The following HDAC1 variants were observed in gnomAD, a reference collection of about 807,000 sequenced individuals.
HDAC1 encodes the protein protein deacetylase HDAC1.
HDAC1 carries 18 observed loss-of-function variants against 65.5 expected under a neutral mutation model. That is an observed-to-expected ratio of 0.27 (90% CI 0.19 to 0.41). The LOEUF (loss-of-function observed/expected upper bound fraction) is 0.41, where lower values mean the gene tolerates loss of function less well. HDAC1 is among the 10% of genes least tolerant of loss of function. HDAC1 has a pLI of 1.00. For synonymous variants in HDAC1, 211 were observed against 227.9 expected, an observed-to-expected ratio of 0.93 and a Z score of 0.67; for missense variants, 373 against 625.2, an observed-to-expected ratio of 0.60 and a Z score of 4.30.
intron 1 of HDAC1, among the ~76,000 whole-genome samples, chr1:32,293,118 C>G (rs1022007438): frequency 2.0e-5 from 3 of 151,950 alleles, no homozygotes; most frequent in African/African-American, 4.8e-5. Flanking sequence ...GTCAGGAGTT[C>G]GAGACCAGCC....
intron 3 of HDAC1, among the ~76,000 whole-genome samples, chr1:32,320,244 A>C (rs549278795): frequency 4.2e-4 from 64 of 151,628 alleles, no homozygotes; most frequent in African/African-American, 1.5e-3. Context: ...AAAAACCCAC[A>C]CACACACAAA....
In HDAC1 at chr1:32,332,996, C is replaced by T. The variant is rs760163327; in HGVS notation, c.1422-21C>T. The stretch of plus-strand genomic sequence containing the variant: ...GGCTCTGGGCTGGGTCATCTCATGC[C>T]AGTCTCTGCTCTCTCCACAGGGTCA... On this transcript the variant is annotated intron_variant, in intron 13 of 13. Transcript: ENST00000373548. The T allele has an allele frequency of 3.3e-5, 53 of 1,613,148 alleles. 3 individuals carry two copies. The South Asian group carries it at 5.6e-4, about 17-fold the overall frequency.
rs2148073150 is a variant in HDAC1, at chr1:32,331,673, C to T, written c.1089-3C>T. 1 of 1,613,412 alleles carries T rather than the reference C, an allele frequency of 6.2e-7. No homozygotes were observed. Among genetic ancestry groups the T allele is most frequent in the Non-Finnish European group, 8.5e-7 (1 of 1,179,492 alleles). On this transcript the variant is annotated splice_region_variant and splice_polypyrimidine_tract_variant and intron_variant, in intron 10 of 13. Coordinates refer to ENST00000373548, the MANE Select transcript of HDAC1 (RefSeq NM_004964.3). The surrounding 1 kb of genome is among the most constrained non-coding windows in gnomAD (Gnocchi z 4.2). ...CCCTGCTACTCTCTCCCATTGGCCA[C>T]AGACAGCGACTGTTTGAGAACCTTA...
In HDAC1 at chr1:32,333,165, C is replaced by A. The variant is rs1438801086; in HGVS notation, c.*121C>A. ...AAAAATTTATTAAATATAAATATCC[C>A]CAGGGACAGAAACCAAGGCCCCGAG... On this transcript the variant is annotated 3_prime_UTR_variant, in exon 14 of 14. Coordinates refer to ENST00000373548, the MANE Select transcript of HDAC1 (RefSeq NM_004964.3). 4 of 853,706 alleles carry A rather than the reference C, an allele frequency of 4.7e-6. No homozygotes were observed. Among genetic ancestry groups the A allele is most frequent in the Non-Finnish European group, 7.0e-6 (4 of 567,596 alleles). 52.9% of individuals were successfully genotyped at this position (853,706 alleles called of 1,614,324 possible).
intron 1 of HDAC1, among the ~76,000 whole-genome samples, chr1:32,302,229 A>G (rs1372751450): frequency 6.6e-6 from 1 of 152,182 alleles, no homozygotes; most frequent in Non-Finnish European, 1.5e-5. Flanking sequence ...GTGTTACAAT[A>G]TGTAGGAGGT....
intron 1 of HDAC1, 92 bp from the exon 2 acceptor site, chr1:32,302,529 A>T: frequency 1.4e-6 from 1 of 691,494 alleles, no homozygotes; most frequent in Non-Finnish European, 2.7e-6. Flanking sequence ...GCCAGAAAGA[A>T]TTTGACTGGG....
chr1:32,326,113 G>A (rs538327776), intron 4 of HDAC1, among the ~76,000 whole-genome samples: 38 of 152,094 alleles, frequency 2.5e-4, no homozygotes, highest in African/African-American at 8.9e-4. Flanking sequence ...GGACCTATTC[G>A]TGCTAGTGCT....
chr1:32,309,681 A>AG (rs10652556), intron 2 of HDAC1, among the ~76,000 whole-genome samples: 1 of 115,412 alleles, frequency 8.7e-6, no homozygotes. Context: ...AGCGAGTCTC[A>AG]AAAAAAAAAA....
At chr1:32,318,549 C>T (rs911463549) in intron 3 of HDAC1, among the ~76,000 whole-genome samples, 4 of 146,022 alleles carry the variant, frequency 2.7e-5, no homozygotes, top group Admixed American at 2.0e-4. Context: ...GGCAACAGAG[C>T]GAGACCAAAA....
rs767530178 is a variant in HDAC1, at chr1:32,333,626, A to G, written c.*582A>G. 32 of 152,660 alleles carry G rather than the reference A, an allele frequency of 2.1e-4. No individual in the cohort carries two copies. The highest frequency in any genetic ancestry group is 3.9e-4 in the Non-Finnish European group (27 of 68,448). The allele number at this position is 152,660 out of a possible 1,614,324, so 9.5% of individuals were successfully genotyped here. The stretch of plus-strand genomic sequence containing the variant: ...TTGTAATAAAATGGTACATTTCTAT[A>G]TCCTCCTGAGCTTGTTTCCTATGTG... On this transcript the variant is annotated 3_prime_UTR_variant, in exon 14 of 14. Transcript: ENST00000373548.
rs1570045342 is a variant in HDAC1 at position 32,333,176 on chromosome 1, A to C, written c.*132A>C. The C allele has an allele frequency of 1.6e-5, 12 of 746,118 alleles. No homozygotes were observed. In the East Asian group the frequency reaches 3.0e-4, roughly 18 times the overall value. The allele number at this position is 746,118 out of a possible 1,614,324, so 46.2% of individuals were successfully genotyped here. On this transcript the variant is annotated 3_prime_UTR_variant, in exon 14 of 14. Coordinates refer to ENST00000373548, the MANE Select transcript of HDAC1 (RefSeq NM_004964.3). ...AAATATAAATATCCCCAGGGACAGAAACCAAGGCCCCGAGCTCAGGGCAGC... is the reference window on the plus strand; with the variant it reads ...AAATATAAATATCCCCAGGGACAGACACCAAGGCCCCGAGCTCAGGGCAGC...
chr1:32,323,031 G>A (rs1473969928), intron 3 of HDAC1, among the ~76,000 whole-genome samples: 10 of 152,120 alleles, frequency 6.6e-5, no homozygotes, highest in Admixed American at 3.3e-4. Flanking sequence ...GGCTGGGCAC[G>A]GTGGCTTATG....
At chr1:32,292,255 C>A in intron 1 of HDAC1, 37 bp downstream of exon 1, 2 of 1,546,202 alleles carry the variant, frequency 1.3e-6, no homozygotes, top group Non-Finnish European at 1.7e-6. Context: ...GGGGCCAGGC[C>A]GGGCCGGACC....
At chr1:32,299,485 T>A (rs889973280) in intron 1 of HDAC1, among the ~76,000 whole-genome samples, 1 of 152,116 alleles carries the variant, frequency 6.6e-6, no homozygotes, top group Non-Finnish European at 1.5e-5. Context: ...TACCCTCACC[T>A]CAGATACTCC....
intron 2 of HDAC1, among the ~76,000 whole-genome samples, chr1:32,306,781 C>T (rs1467633349): frequency 6.6e-6 from 1 of 151,622 alleles, no homozygotes; most frequent in Admixed American, 6.6e-5. Context: ...TCTAGTATGC[C>T]CAGTAGATTC....
chr1:32,333,087 T>G lies in HDAC1; in HGVS notation c.*43T>G. The G allele has an allele frequency of 6.5e-7, 1 of 1,543,082 alleles. No individual in the cohort carries two copies. The highest frequency in any genetic ancestry group is 2.2e-5 in the East Asian group (1 of 44,476). Reference sequence around the variant, plus strand: ...TGGCTTCCTGCTGAGTCCCTCACGTTTCTTCCCCAACCCCTCAGATTTTAT... The same window carrying G: ...TGGCTTCCTGCTGAGTCCCTCACGTGTCTTCCCCAACCCCTCAGATTTTAT... On this transcript the variant is annotated 3_prime_UTR_variant, in exon 14 of 14. Coordinates refer to ENST00000373548, the MANE Select transcript of HDAC1 (RefSeq NM_004964.3).
At chr1:32,309,095 A>G (rs1040498095) in intron 2 of HDAC1, among the ~76,000 whole-genome samples, 43 of 152,002 alleles carry the variant, frequency 2.8e-4, no homozygotes, top group African/African-American at 8.7e-4. Context: ...TATAGGCATG[A>G]GCCACCACGC....
Position 32,325,711 on chromosome 1 carries a change from C to T in HDAC1, c.355+1158C>T, listed in dbSNP as rs1345497029. Among the ~76,000 whole-genome samples the T allele has an allele frequency of 3.3e-5, 5 of 152,132 alleles. No homozygotes were observed. In the East Asian group the frequency reaches 9.6e-4, roughly 29 times the overall value. ...CCTCTTCTTGATAATTTGGATCAAT[C>T]TATGCTTTTATTGCTGTTAAAATCA... On this transcript the variant is annotated intron_variant, in intron 4 of 13. Transcript: ENST00000373548.
At chr1:32,292,281 G>A in intron 1 of HDAC1, 63 bp downstream of exon 1, 1 of 1,543,742 alleles carries the variant, frequency 6.5e-7, no homozygotes, top group South Asian at 1.2e-5. Flanking sequence ...CCTGGAGGCT[G>A]AGGCTGGAGC....
Sources: gnomAD v4.1 joint callset for allele counts (sites outside exome capture counted in the v4.1 genomes callset) on GRCh38, gnomAD v4.1.1 for gene constraint, Gnocchi (gnomAD v3.1) non-coding constraint, MANE v1.5 for transcripts, NCBI Gene and HGNC (gene_info 2026-07-23, HGNC 2026-07-21) for gene names.